Variants in STAT3 observed in about 807,000 individuals in gnomAD.
STAT3 encodes DNA-binding protein APRF.
A neutral mutation model predicts 114.3 loss-of-function variants in STAT3; 7 were observed. The ratio of observed to expected loss-of-function variants is 0.06; its 90% CI spans 0.03 to 0.11. The LOEUF (loss-of-function observed/expected upper bound fraction) is 0.11, where lower values mean the gene tolerates loss of function less well. Ranked by LOEUF, STAT3 falls within the 10% of genes least tolerant of loss-of-function variation. STAT3 has a pLI of 1.00. For synonymous variants in STAT3, 331 were observed against 354.5 expected, an observed-to-expected ratio of 0.93 and a Z score of 0.74; for missense variants, 364 against 960.9, an observed-to-expected ratio of 0.38 and a Z score of 8.21.
chr17:42,359,056 C>T (rs1387726833), intron 1 of STAT3, among the ~76,000 whole-genome samples: 1 of 151,448 alleles, frequency 6.6e-6, no homozygotes, highest in African/African-American at 2.4e-5. Flanking sequence ...TTGCCTCAGC[C>T]TCCCGAGTAG....
At chr17:42,319,111 G>A (rs1021121318) in intron 21 of STAT3, among the ~76,000 whole-genome samples, 26 of 152,274 alleles carry the variant, frequency 1.7e-4, no homozygotes, top group African/African-American at 5.3e-4. Flanking sequence ...GTGGTGGCAC[G>A]CCTGTAATCC....
intron 1 of STAT3, among the ~76,000 whole-genome samples, chr17:42,376,012 G>A (rs1358752465): frequency 6.6e-6 from 1 of 151,766 alleles, no homozygotes; most frequent in African/African-American, 2.4e-5. Flanking sequence ...TTAGCCAGGT[G>A]TGGCTGCTAG....
At chr17:42,384,289 C>A (rs929430633) in intron 1 of STAT3, among the ~76,000 whole-genome samples, 4 of 151,718 alleles carry the variant, frequency 2.6e-5, no homozygotes, top group Non-Finnish European at 4.4e-5. Flanking sequence ...CCACAACGCC[C>A]GGCTACTTTT....
At chr17:42,357,809 C>T (rs1052385875) in intron 1 of STAT3, among the ~76,000 whole-genome samples, 3 of 152,020 alleles carry the variant, frequency 2.0e-5, no homozygotes, top group African/African-American at 7.3e-5. Flanking sequence ...AAAATAAGTA[C>T]ACTTATATAG....
At chr17:42,349,636 C>A (rs186196522) in intron 1 of STAT3, among the ~76,000 whole-genome samples, 1 of 152,312 alleles carries the variant, frequency 6.6e-6, no homozygotes, top group African/African-American at 2.4e-5. Context: ...TAAAAGTTGT[C>A]CCAGGTTCAG....
chr17:42,357,723 TAG>T (rs933489160), intron 1 of STAT3, among the ~76,000 whole-genome samples: 5 of 152,118 alleles, frequency 3.3e-5, no homozygotes, highest in African/African-American at 1.2e-4. Flanking sequence ...TTTAAACTAT[TAG>T]AGTCATTCAT....
At chr17:42,366,514 T>C (rs1236937231) in intron 1 of STAT3, among the ~76,000 whole-genome samples, 1 of 151,712 alleles carries the variant, frequency 6.6e-6, no homozygotes, top group Non-Finnish European at 1.5e-5. Flanking sequence ...CTACGAAATA[T>C]ACAAAAATTA....
chr17:42,372,965 T>G (rs2084237548), intron 1 of STAT3, among the ~76,000 whole-genome samples: 1 of 152,176 alleles, frequency 6.6e-6, no homozygotes, highest in African/African-American at 2.4e-5. Flanking sequence ...ATGCAAGATG[T>G]TAATAATAGA....
intron 20 of STAT3, 55 bp downstream of exon 20, chr17:42,322,949 A>C: frequency 1.2e-6 from 2 of 1,612,126 alleles, no homozygotes; most frequent in Non-Finnish European, 1.7e-6. Flanking sequence ...AACTAGAAGC[A>C]GTGATGAGGC....
At chr17:42,374,991 C>A (rs2084372867) in intron 1 of STAT3, among the ~76,000 whole-genome samples, 1 of 152,184 alleles carries the variant, frequency 6.6e-6, no homozygotes, top group Non-Finnish European at 1.5e-5. Flanking sequence ...AATAAGTCAA[C>A]ACTTTTAAAA....
chr17:42,316,760 G>C (rs767148329), intron 23 of STAT3, 29 bp downstream of exon 23: 5 of 1,613,488 alleles, frequency 3.1e-6, no homozygotes, highest in Non-Finnish European at 3.4e-6. Context: ...TTCCCTTATA[G>C]GGACAAAGTC....
chr17:42,386,405 C>T (rs2085107759), intron 1 of STAT3, among the ~76,000 whole-genome samples: 1 of 152,030 alleles, frequency 6.6e-6, no homozygotes, highest in Non-Finnish European at 1.5e-5. Flanking sequence ...CCTCAATTTT[C>T]TTATCTACGA....
chr17:42,334,086 T>C (rs776938264), intron 8 of STAT3, 37 bp from the exon 9 acceptor site: 1 of 1,612,488 alleles, frequency 6.2e-7, no homozygotes, highest in South Asian at 1.1e-5. Context: ...ATTACCAAAG[T>C]GAATGTATAC....
chr17:42,330,914 T>C (rs2081985880), intron 11 of STAT3, among the ~76,000 whole-genome samples: 1 of 152,160 alleles, frequency 6.6e-6, no homozygotes, highest in Admixed American at 6.5e-5. Context: ...ACAAAATGCA[T>C]ATATGATGGT....
chr17:42,353,347 CAAAA>C (rs10659012), intron 1 of STAT3, among the ~76,000 whole-genome samples: 1 of 80,860 alleles, frequency 1.2e-5, no homozygotes. Flanking sequence ...GACTGCATAT[CAAAA>C]AAAAAAAAAA....
At chr17:42,316,301 T>A (rs2081248034) in intron 23 of STAT3, 2 of 354,410 alleles carry the variant, frequency 5.6e-6, no homozygotes, top group Non-Finnish European at 1.1e-5. Context: ...AGTGGCACGA[T>A]CTCTGCTCAC....
intron 20 of STAT3, 128 bp downstream of exon 20, chr17:42,322,876 C>T (rs2081538088): frequency 8.1e-6 from 11 of 1,350,682 alleles, no homozygotes; most frequent in Admixed American, 1.8e-5. Context: ...ATGTGTTTTG[C>T]GAGTCTGAGT....
intron 1 of STAT3, among the ~76,000 whole-genome samples, chr17:42,361,086 C>G (rs1159335724): frequency 6.6e-6 from 1 of 152,164 alleles, no homozygotes; most frequent in Non-Finnish European, 1.5e-5. Context: ...ACAGAGGTCT[C>G]CACCCTGGCT....
chr17:42,326,989 C>G (rs995880047), intron 14 of STAT3, among the ~76,000 whole-genome samples: 1 of 152,188 alleles, frequency 6.6e-6, no homozygotes, highest in Non-Finnish European at 1.5e-5. Flanking sequence ...ACTTGCTCGG[C>G]ACTTACTCTC....
Sources: gnomAD v4.1 joint callset for allele counts (sites outside exome capture counted in the v4.1 genomes callset) on GRCh38, gnomAD v4.1.1 for gene constraint, MANE v1.5 for transcripts, NCBI Gene and HGNC (gene_info 2026-07-23, HGNC 2026-07-21) for gene names.